Variants in CNTN1 observed in about 807,000 individuals in gnomAD.
CNTN1 encodes the protein contactin-1.
A neutral mutation model predicts 126.4 loss-of-function variants in CNTN1; 38 were observed. That is an observed-to-expected ratio of 0.30 (90% CI 0.23 to 0.39). The LOEUF is 0.39. Among genes scored for constraint, CNTN1 ranks in the 10% least tolerant of loss-of-function variants. CNTN1 has a pLI of 1.00. For missense variants in CNTN1, 1,009 were observed against 1,248.4 expected (o/e 0.81, Z 2.89); for synonymous variants, 413 against 422.6 (o/e 0.98, Z 0.28).
rs552483875 is a variant in CNTN1 at position 40,933,458 on chromosome 12, T to C, written c.704-3T>C. On this transcript the variant is annotated splice_region_variant and splice_polypyrimidine_tract_variant and intron_variant, in intron 7 of 23. Coordinates refer to ENST00000551295, the MANE Select transcript of CNTN1 (RefSeq NM_001843.4). ...TGGATATTTGTGTTTCTCTTAATAT[T>C]AGGAACAACAAAACCATATCCTGCT... 9 of 1,584,000 alleles carry C rather than the reference T, an allele frequency of 5.7e-6. No homozygotes were observed. Among genetic ancestry groups the C allele is most frequent in the South Asian group, 3.3e-5 (3 of 90,522 alleles).
intron 23 of CNTN1, among the ~76,000 whole-genome samples, chr12:41,050,538 T>C (rs771428405): frequency 2.0e-5 from 3 of 152,146 alleles, no homozygotes. Context: ...TTCATCCCCA[T>C]GATCCAATCA....
At position 40,993,200 on chromosome 12, in the gene CNTN1, G is replaced by A; in HGVS notation, c.2044G>A (p.Val682Ile). The change falls in exon 17 of 24, where the codon GTA (valine) becomes ATA (isoleucine). Residue 682 changes from valine to isoleucine, a missense_variant. Physicochemically the swap from Val to Ile is conservative, Grantham distance 29. Transcript: ENST00000551295. ...ATGGATGGAGTATGAATTCCGCGTG[G>A]TAGCAACCAATACACTGGGTAGAGG... ...IPWMEYEFRV[V>I]ATNTLGRGEP... 1 of 1,613,844 alleles carries A rather than the reference G, an allele frequency of 6.2e-7. No individual in the cohort carries two copies. Among genetic ancestry groups the A allele is most frequent in the Non-Finnish European group, 8.5e-7 (1 of 1,179,746 alleles).
chr12:41,036,500 A>G (rs1212162546), intron 23 of CNTN1, among the ~76,000 whole-genome samples: 1 of 152,174 alleles, frequency 6.6e-6, no homozygotes, highest in Non-Finnish European at 1.5e-5. Context: ...TAGCTTCTAA[A>G]TCAGTTTCAT....
chr12:40,973,500 A>G (rs1217998661), intron 15 of CNTN1, among the ~76,000 whole-genome samples: 1 of 152,122 alleles, frequency 6.6e-6, no homozygotes, highest in Non-Finnish European at 1.5e-5. Context: ...TTTCCTTAAC[A>G]TTTCAAAGTT....
At chr12:40,989,399 C>T (rs1481422820) in intron 16 of CNTN1, among the ~76,000 whole-genome samples, 1 of 152,032 alleles carries the variant, frequency 6.6e-6, no homozygotes, top group Non-Finnish European at 1.5e-5. Flanking sequence ...AATCAACTCA[C>T]AATTGAAGGG....
intron 1 of CNTN1, among the ~76,000 whole-genome samples, chr12:40,739,218 G>T (rs1937828852): frequency 6.6e-6 from 1 of 151,994 alleles, no homozygotes; most frequent in African/African-American, 2.4e-5. Context: ...AATCTTGTTT[G>T]TAGTAATGAA....
chr12:40,912,710 C>A (rs1945086193), intron 3 of CNTN1, among the ~76,000 whole-genome samples: 1 of 151,792 alleles, frequency 6.6e-6, no homozygotes, highest in African/African-American at 2.4e-5. Context: ...ACAGTACTTG[C>A]ACCAAGATTT....
intron 16 of CNTN1, among the ~76,000 whole-genome samples, chr12:40,990,937 CTT>C (rs1333552396): frequency 2.0e-5 from 3 of 152,172 alleles, no homozygotes; most frequent in African/African-American, 7.2e-5. Flanking sequence ...TCCTAAAACA[CTT>C]TTGTACTGTA....
chr12:40,743,647 G>T (rs749967870), intron 1 of CNTN1, among the ~76,000 whole-genome samples: 6 of 151,878 alleles, frequency 4.0e-5, no homozygotes, highest in African/African-American at 1.5e-4. Context: ...GTAATGGGTT[G>T]TTTTGTTTTT....
In CNTN1 at chr12:41,071,061, G is replaced by A. The variant is rs1032905440; in HGVS notation, c.*1026G>A. 2.0e-5 allele frequency: 3 copies of A among 150,704 alleles called. No individual in the cohort carries two copies. Among genetic ancestry groups the A allele is most frequent in the South Asian group, 2.1e-4 (1 of 4,736 alleles). The allele number at this position is 150,704 out of a possible 1,614,324, so 9.3% of individuals were successfully genotyped here. A position where few individuals can be genotyped will look rare whatever the true frequency, so the allele number is the denominator to read the frequency against. ...TCACCTGTAGGTTGAAAAAGCTACC[G>A]TATTCCATTTTGTAAAAATAACAAT... On this transcript the variant is annotated 3_prime_UTR_variant, in exon 24 of 24. Transcript: ENST00000551295.
intron 20 of CNTN1, among the ~76,000 whole-genome samples, chr12:41,024,309 A>G (rs1433020620): frequency 1.3e-5 from 2 of 152,154 alleles, no homozygotes; most frequent in Admixed American, 6.5e-5. Context: ...ATATCAGGAT[A>G]GTTACAAATA....
In CNTN1 at chr12:40,822,852, G is replaced by A. The variant is rs535373285; in HGVS notation, c.-76-85505G>A. Among the ~76,000 whole-genome samples, 8 of 152,184 alleles carry A rather than the reference G, an allele frequency of 5.3e-5. No individual in the cohort carries two copies. The South Asian group carries it at 1.2e-3, about 24-fold the overall frequency. On this transcript the variant is annotated intron_variant, in intron 1 of 23. Coordinates refer to ENST00000551295, the MANE Select transcript of CNTN1 (RefSeq NM_001843.4). ...GAGTATGATTGAATCCATCACCCAG[G>A]TAATGAGCATGATACCTAACAGGTA...
intron 17 of CNTN1, among the ~76,000 whole-genome samples, chr12:41,010,230 A>AATCC (rs1360254005): frequency 6.6e-6 from 1 of 152,088 alleles, no homozygotes; most frequent in African/African-American, 2.4e-5. Flanking sequence ...GGGACCCATC[A>AATCC]ATCCTGTTGG....
intron 17 of CNTN1, among the ~76,000 whole-genome samples, chr12:41,000,284 A>G (rs939398202): frequency 2.0e-5 from 3 of 152,182 alleles, no homozygotes; most frequent in Non-Finnish European, 4.4e-5. Flanking sequence ...TTGCAGTATA[A>G]TATTTTAGAG....
rs143714443 is a variant in CNTN1 at position 40,864,597 on chromosome 12, AC to A, written c.-76-43758del. On this transcript the variant is annotated intron_variant, in intron 1 of 23. Transcript: ENST00000551295. ...ATGAAATTGCACTATATGATTTCAT[AC>A]CTTTTGTGAATTTTCTTTCACTTAG... is the stretch of plus-strand genomic sequence containing the variant. 9.0e-3 allele frequency among the ~76,000 whole-genome samples: 1,373 copies of A among 152,216 alleles called. 19 individuals carry two copies. The highest frequency in any genetic ancestry group is 0.031 in the African/African-American group (1,307 of 41,528).
chr12:40,744,304 TA>T (rs11392752), intron 1 of CNTN1, among the ~76,000 whole-genome samples: 66 of 145,902 alleles, frequency 4.5e-4, no homozygotes, highest in African/African-American at 1.7e-3. Context: ...TTAAATTAAA[TA>T]AAAAAAAAAT....
intron 1 of CNTN1, among the ~76,000 whole-genome samples, chr12:40,874,635 T>C (rs1438226173): frequency 6.6e-6 from 1 of 152,166 alleles, no homozygotes; most frequent in Non-Finnish European, 1.5e-5. Flanking sequence ...AGTTCATTTA[T>C]TTTCACTGCT....
At chr12:40,925,288 T>C (rs73111373) in intron 6 of CNTN1, among the ~76,000 whole-genome samples, 2,063 of 151,988 alleles carry the variant, frequency 0.014, 45 homozygotes, top group African/African-American at 0.047. Context: ...ATTTATCAAA[T>C]ATCTCTTTGA....
intron 18 of CNTN1, among the ~76,000 whole-genome samples, chr12:41,015,309 T>C (rs1566147245): frequency 6.6e-6 from 1 of 152,206 alleles, no homozygotes; most frequent in Non-Finnish European, 1.5e-5. Context: ...CTTTCTCTTA[T>C]GGCTTTTTAT....
Sources: allele counts gnomAD v4.1 joint callset (sites outside exome capture counted in the v4.1 genomes callset), GRCh38; gene constraint gnomAD v4.1.1; transcripts MANE v1.5; gene names NCBI Gene and HGNC (gene_info 2026-07-23, HGNC 2026-07-21).